MRPL22: variants seen among roughly 807,000 people sequenced by gnomAD.
The protein encoded by MRPL22 is large ribosomal subunit protein uL22m.
Under a neutral mutation model 32.4 loss-of-function variants are expected in MRPL22, and 27 were observed. The observed-to-expected ratio is 0.83, with a 90% CI of 0.61 to 1.15. MRPL22 has a LOEUF of 1.15. MRPL22 is among the 50% of genes most tolerant of loss of function. The probability of loss-of-function intolerance (pLI) is 0.00; values close to 1 mark genes in which losing one functional copy is unlikely to be tolerated. For synonymous variants in MRPL22, 86 were observed against 87.3 expected (o/e 0.99, Z 0.08); for missense variants, 239 against 260.2 (o/e 0.92, Z 0.56).
chr5:154,969,111 A>G lies in MRPL22; in HGVS notation c.*2214A>G, dbSNP rs1416435645. On this transcript the variant is annotated 3_prime_UTR_variant, in exon 7 of 7. Coordinates refer to ENST00000523037, the MANE Select transcript of MRPL22 (RefSeq NM_014180.4). ...TGGTTTGGCTCTGTGTTCCCACCCA[A>G]TCTTATCTCAAATTGTAATCCCCAT... is the stretch of plus-strand genomic sequence containing the variant. 2.6e-5 allele frequency: 4 copies of G among 152,134 alleles called. No homozygotes were observed. The highest frequency in any genetic ancestry group is 7.2e-5 in the African/African-American group (3 of 41,420). 9.4% of individuals were successfully genotyped at this position (152,134 alleles called of 1,614,324 possible).
chr5:154,942,024 C>T (rs963323101), intron 2 of MRPL22, among the ~76,000 whole-genome samples: 7 of 152,284 alleles, frequency 4.6e-5, no homozygotes, highest in Admixed American at 1.3e-4. Flanking sequence ...GGAAAAGTTA[C>T]TTATTCTTAA....
rs138603863 is a variant in MRPL22, at chr5:154,950,225, C to G, written c.78-596C>G. 2.4e-3 allele frequency among the ~76,000 whole-genome samples: 370 copies of G among 152,258 alleles called. 2 individuals are homozygous for G. Among genetic ancestry groups the G allele is most frequent in the African/African-American group, 8.3e-3 (344 of 41,540 alleles). On this transcript the variant is annotated intron_variant, in intron 2 of 6. Coordinates refer to ENST00000523037, the MANE Select transcript of MRPL22 (RefSeq NM_014180.4). ...AACTCCCTCACTATCACGAGAACAG[C>G]ATGGGGGAAACTGCCCAGCGATCTA...
intron 4 of MRPL22, chr5:154,956,724 A>T (rs1376750618): frequency 2.7e-6 from 1 of 376,992 alleles, no homozygotes; most frequent in African/African-American, 2.1e-5. Context: ...TGTAAACTTG[A>T]TTCAACCTGT....
chr5:154,963,830 T>G (rs1159467976), intron 6 of MRPL22, among the ~76,000 whole-genome samples: 7 of 152,182 alleles, frequency 4.6e-5, no homozygotes, highest in Non-Finnish European at 1.5e-5. Flanking sequence ...TCGTGGAGAC[T>G]TTCTAGAAAA....
At chr5:154,943,282 C>T (rs1391937521) in intron 2 of MRPL22, among the ~76,000 whole-genome samples, 2 of 151,888 alleles carry the variant, frequency 1.3e-5, no homozygotes, top group East Asian at 3.9e-4. Context: ...TGCATGCCAT[C>T]ACACCTGGCT....
chr5:154,947,079 A>G (rs935297337), intron 2 of MRPL22, among the ~76,000 whole-genome samples: 2 of 152,244 alleles, frequency 1.3e-5, no homozygotes, highest in African/African-American at 4.8e-5. Flanking sequence ...CTCATTCTAC[A>G]AGTAATAATA....
At chr5:154,951,041 T>G in intron 3 of MRPL22, 103 bp downstream of exon 3, 3 of 730,404 alleles carry the variant, frequency 4.1e-6, no homozygotes, top group Middle Eastern at 5.1e-4. Context: ...TATACAACCA[T>G]TCACTCTAAT....
At chr5:154,953,134 A>G (rs1764584825) in intron 3 of MRPL22, among the ~76,000 whole-genome samples, 2 of 152,082 alleles carry the variant, frequency 1.3e-5, no homozygotes, top group Non-Finnish European at 2.9e-5. Context: ...TGAGGTGGGC[A>G]TATCACAAGG....
chr5:154,955,150 T>A (rs1764615491), intron 3 of MRPL22: 1 of 152,210 alleles, frequency 6.6e-6, no homozygotes, highest in African/African-American at 2.4e-5. Flanking sequence ...CAGATTATTA[T>A]TATCAGTCAT....
chr5:154,949,474 A>G (rs1244831112), intron 2 of MRPL22, among the ~76,000 whole-genome samples: 1 of 152,224 alleles, frequency 6.6e-6, no homozygotes, highest in African/African-American at 2.4e-5. Flanking sequence ...ATGGATTGGA[A>G]TTGGGCAAGT....
At chr5:154,957,106 T>G (rs751784260) in intron 4 of MRPL22, 29 bp from the exon 5 acceptor site, 5 of 1,563,758 alleles carry the variant, frequency 3.2e-6, no homozygotes, top group Non-Finnish European at 4.4e-6. Flanking sequence ...CTAATTTATT[T>G]TCTTTTGTCT....
chr5:154,952,082 C>T (rs949280443), intron 3 of MRPL22, among the ~76,000 whole-genome samples: 45 of 152,118 alleles, frequency 3.0e-4, no homozygotes, highest in African/African-American at 1.1e-3. Context: ...GGGGTTTCAT[C>T]GTGTTAGCCA....
intron 6 of MRPL22, among the ~76,000 whole-genome samples, chr5:154,961,856 T>C (rs186381415): frequency 6.6e-6 from 1 of 152,146 alleles, no homozygotes; most frequent in Non-Finnish European, 1.5e-5. Context: ...TTAGCTAATT[T>C]TAAAATTTTT....
intron 6 of MRPL22, among the ~76,000 whole-genome samples, chr5:154,962,108 T>C (rs917154467): frequency 1.3e-5 from 2 of 152,240 alleles, no homozygotes; most frequent in African/African-American, 4.8e-5. Flanking sequence ...ATTTACATTA[T>C]GATTTTTAAA....
intron 5 of MRPL22, among the ~76,000 whole-genome samples, chr5:154,958,538 CTTTTTTTTTTT>C (rs201113350): frequency 1.2e-5 from 1 of 83,316 alleles, no homozygotes; most frequent in African/African-American, 4.5e-5. Context: ...TGACAATTGT[CTTTTTTTTTTT>C]TTTTTTTTTT....
chr5:154,950,184 C>T (rs543654658), intron 2 of MRPL22, among the ~76,000 whole-genome samples: 1 of 152,204 alleles, frequency 6.6e-6, no homozygotes, highest in East Asian at 1.9e-4. Context: ...ACTTTTAAAC[C>T]ATCAGATCTC....
At chr5:154,948,816 T>G (rs536682550) in intron 2 of MRPL22, among the ~76,000 whole-genome samples, 2 of 152,262 alleles carry the variant, frequency 1.3e-5, no homozygotes, top group Non-Finnish European at 2.9e-5. Context: ...TTCTTCATTC[T>G]TTCTCTTCAT....
At chr5:154,942,371 A>G (rs1272095975) in intron 2 of MRPL22, among the ~76,000 whole-genome samples, 2 of 152,200 alleles carry the variant, frequency 1.3e-5, no homozygotes, top group Non-Finnish European at 2.9e-5. Flanking sequence ...ATAAATTATT[A>G]CTGAGTTCCC....
rs1282930712 is a variant in MRPL22, at chr5:154,967,797, C to T, written c.*900C>T. On this transcript the variant is annotated 3_prime_UTR_variant, in exon 7 of 7. Transcript: ENST00000523037. The surrounding 1 kb of genome is among the most constrained non-coding windows in gnomAD (Gnocchi z 4.7). Reference sequence around the variant, plus strand: ...GCATGCAAAAGAAGAATCGAGGATGCTTGCTTGTTAATGCAGACTTCTGGG... The same window carrying T: ...GCATGCAAAAGAAGAATCGAGGATGTTTGCTTGTTAATGCAGACTTCTGGG... 2.0e-5 allele frequency: 3 copies of T among 152,200 alleles called. No homozygotes were observed. Among genetic ancestry groups the T allele is most frequent in the African/African-American group, 2.4e-5 (1 of 41,448 alleles). 9.4% of individuals were successfully genotyped at this position (152,200 alleles called of 1,614,324 possible).
Sources: gnomAD v4.1 joint callset for allele counts (sites outside exome capture counted in the v4.1 genomes callset) on GRCh38, gnomAD v4.1.1 for gene constraint, Gnocchi (gnomAD v3.1) non-coding constraint, MANE v1.5 for transcripts, NCBI Gene and HGNC (gene_info 2026-07-23, HGNC 2026-07-21) for gene names.